Variants in DNAH7 observed in about 807,000 individuals in gnomAD.
DNAH7 encodes the protein dynein axonemal heavy chain 7.
A neutral mutation model predicts 444.6 loss-of-function variants in DNAH7; 397 were observed. The observed-to-expected ratio is 0.89, with a 90% CI of 0.82 to 0.97. The LOEUF is 0.97. DNAH7 is among the 50% of genes least tolerant of loss of function. The pLI is 0.00. For synonymous variants in DNAH7, 1,636 were observed against 1,624.4 expected (o/e 1.01, Z -0.17); for missense variants, 4,902 against 4,800.8 (o/e 1.02, Z -0.62).
At chr2:196,065,321 C>T (rs533050594) in intron 1 of DNAH7, among the ~76,000 whole-genome samples, 68 of 152,282 alleles carry the variant, frequency 4.5e-4, no homozygotes, top group Middle Eastern at 3.4e-3. Flanking sequence ...ATAAGGGTGT[C>T]ATATGTCTTT....
intron 12 of DNAH7, among the ~76,000 whole-genome samples, chr2:196,000,005 G>C (rs1693936649): frequency 6.6e-6 from 1 of 152,126 alleles, no homozygotes. Context: ...GGAGCAAAGG[G>C]GAAGAGCTTA....
Position 195,771,716 on chromosome 2 carries a change from T to C in DNAH7, c.11377A>G (p.Asn3793Asp). The C allele has an allele frequency of 3.7e-6, 6 of 1,614,202 alleles. No homozygotes were observed. The highest frequency in any genetic ancestry group is 5.1e-6 in the Non-Finnish European group (6 of 1,180,036). The change falls in exon 61 of 65, where the codon AAT becomes GAT. Residue 3793 changes from asparagine to aspartate, a missense_variant. By Grantham distance (23) the Asn-to-Asp change is conservative. Coordinates refer to ENST00000312428, the MANE Select transcript of DNAH7 (RefSeq NM_018897.3). The part of the protein sequence containing the change: ...TVLVQEMGRF[N>D]KLLKTIRDSC... ...TCTCTTATGGTCTTCAGTAACTTAT[T>C]GAACCGTCCCATCTCTTGGACAAGT... is the stretch of plus-strand genomic sequence containing the variant.
intron 25 of DNAH7, 115 bp from the exon 26 acceptor site, chr2:195,907,124 T>TTTATCCTGTCAAAGAA: frequency 1.4e-6 from 1 of 723,482 alleles, no homozygotes; most frequent in Non-Finnish European, 2.2e-6. Context: ...AGAAATTGCT[T>TTTATCCTGTCAAAGAA]ATTCGCCTTT....
At chr2:196,017,091 C>T (rs1052217925) in intron 9 of DNAH7, among the ~76,000 whole-genome samples, 1 of 152,212 alleles carries the variant, frequency 6.6e-6, no homozygotes, top group African/African-American at 2.4e-5. Context: ...TCTCAGCTCA[C>T]TGCAACCTCT....
At chr2:196,004,964 A>G (rs1694272495) in intron 10 of DNAH7, among the ~76,000 whole-genome samples, 1 of 81,622 alleles carries the variant, frequency 1.2e-5, no homozygotes, top group African/African-American at 1.3e-4. Context: ...CCTTGTGTCA[A>G]AAAAAAAAAA....
chr2:195,961,359 T>C (rs1485911132), intron 17 of DNAH7, among the ~76,000 whole-genome samples: 2 of 150,710 alleles, frequency 1.3e-5, no homozygotes, highest in Non-Finnish European at 2.9e-5. Flanking sequence ...CTAACTGAAA[T>C]TTTTTATCCT....
intron 1 of DNAH7, 33 bp downstream of exon 1, chr2:196,068,664 G>C (rs1184319043): frequency 6.5e-7 from 1 of 1,550,032 alleles, no homozygotes; most frequent in African/African-American, 1.4e-5. Context: ...GCGTCGCGGC[G>C]GCGGCGAGCC....
At chr2:195,847,935 GTAC>G (rs1440242600) in intron 46 of DNAH7, among the ~76,000 whole-genome samples, 5 of 152,160 alleles carry the variant, frequency 3.3e-5, no homozygotes, top group Admixed American at 2.6e-4. Flanking sequence ...AACCCGGGCG[GTAC>G]TACAAGCCAA....
chr2:195,750,486 G>A (rs1187042308), intron 63 of DNAH7, among the ~76,000 whole-genome samples: 2 of 152,158 alleles, frequency 1.3e-5, no homozygotes, highest in East Asian at 3.8e-4. Context: ...AAAAATTCAT[G>A]CATCTGAATT....
intron 10 of DNAH7, among the ~76,000 whole-genome samples, chr2:196,008,521 C>T (rs372708734): frequency 6.6e-6 from 1 of 152,130 alleles, no homozygotes. Context: ...ATGTCCATTA[C>T]CTGATGACTG....
chr2:195,846,947 A>ATGTGTGTGTGTGTGTGTG (rs1315064692), intron 46 of DNAH7, among the ~76,000 whole-genome samples: 5 of 108,874 alleles, frequency 4.6e-5, no homozygotes, highest in African/African-American at 2.2e-4. Flanking sequence ...AAACTCCCAT[A>ATGTGTGTGTGTGTGTGTG]TATGTGTGTG....
chr2:195,873,767 G>A, intron 38 of DNAH7, 73 bp from the exon 39 acceptor site: 1 of 1,152,654 alleles, frequency 8.7e-7, no homozygotes, highest in Non-Finnish European at 1.2e-6. Flanking sequence ...ATATTCTATA[G>A]TTTAAAGTAA....
intron 17 of DNAH7, among the ~76,000 whole-genome samples, chr2:195,962,902 A>G (rs1386578399): frequency 6.8e-6 from 1 of 147,514 alleles, no homozygotes; most frequent in African/African-American, 2.7e-5. Context: ...TTCATTTAAT[A>G]TAATGACTTC....
chr2:195,909,730 T>C (rs1687244508), intron 25 of DNAH7, among the ~76,000 whole-genome samples: 1 of 152,206 alleles, frequency 6.6e-6, no homozygotes, highest in Non-Finnish European at 1.5e-5. Flanking sequence ...CCACGACCTT[T>C]ACACGATGCA....
intron 37 of DNAH7, among the ~76,000 whole-genome samples, chr2:195,876,286 A>T (rs932932297): frequency 1.3e-5 from 2 of 152,210 alleles, no homozygotes; most frequent in African/African-American, 2.4e-5. Flanking sequence ...TAAAAATGTT[A>T]GTGAAAAAAT....
intron 58 of DNAH7, among the ~76,000 whole-genome samples, chr2:195,779,939 C>T (rs1695291354): frequency 6.6e-6 from 1 of 152,050 alleles, no homozygotes; most frequent in Non-Finnish European, 1.5e-5. Context: ...TTTGTATATA[C>T]TCTTTTATAA....
At chr2:196,001,335 C>T (rs1694022089) in intron 11 of DNAH7, among the ~76,000 whole-genome samples, 1 of 152,098 alleles carries the variant, frequency 6.6e-6, no homozygotes, top group African/African-American at 2.4e-5. Flanking sequence ...CTAGTCATGA[C>T]AATCATATAT....
At chr2:195,852,489 C>T (rs1025211870) in intron 46 of DNAH7, among the ~76,000 whole-genome samples, 4 of 152,124 alleles carry the variant, frequency 2.6e-5, no homozygotes, top group Non-Finnish European at 1.5e-5. Context: ...TCATTATCAT[C>T]CCTCCCATTT....
chr2:195,817,096 G>A (rs898504071), intron 50 of DNAH7, 133 bp from the exon 51 acceptor site: 4 of 650,104 alleles, frequency 6.2e-6, no homozygotes, highest in East Asian at 5.7e-5. Flanking sequence ...ATCTGTAATG[G>A]TGATGCCTTA....
Sources: gnomAD v4.1 joint callset for allele counts (sites outside exome capture counted in the v4.1 genomes callset) on GRCh38, gnomAD v4.1.1 for gene constraint, MANE v1.5 for transcripts, NCBI Gene and HGNC (gene_info 2026-07-23, HGNC 2026-07-21) for gene names.